Variants in INPP4B observed in about 807,000 individuals in gnomAD.
The protein encoded by INPP4B is inositol polyphosphate-4-phosphatase type II B, also known as inositol polyphosphate 4-phosphatase type II.
Under a neutral mutation model 122.5 loss-of-function variants are expected in INPP4B, and 55 were observed. That is an observed-to-expected ratio of 0.45 (90% CI 0.36 to 0.56). INPP4B has a LOEUF of 0.56. INPP4B is among the 20% of genes least tolerant of loss of function. The probability of loss-of-function intolerance (pLI) is 0.00; values close to 1 mark genes in which losing one functional copy is unlikely to be tolerated. For synonymous variants in INPP4B, 403 were observed against 388.7 expected, an observed-to-expected ratio of 1.04 and a Z score of -0.43; for missense variants, 1,000 against 1,097.7, an observed-to-expected ratio of 0.91 and a Z score of 1.26.
intron 1 of INPP4B, among the ~76,000 whole-genome samples, chr4:142,807,799 G>A (rs1183657233): frequency 7.0e-6 from 1 of 143,356 alleles, no homozygotes; most frequent in Non-Finnish European, 1.5e-5. Context: ...GTAAGAATAA[G>A]AGTGTAAGAA....
chr4:142,537,429 T>TATATAGAGAG (rs1200701380), intron 2 of INPP4B, among the ~76,000 whole-genome samples: 34 of 25,480 alleles, frequency 1.3e-3, no homozygotes, highest in Non-Finnish European at 2.1e-3. Context: ...TATATATATA[T>TATATAGAGAG]AGAGAGAGAG....
intron 15 of INPP4B, among the ~76,000 whole-genome samples, chr4:142,176,116 C>CTTT (rs1553997273): frequency 2.0e-5 from 1 of 50,766 alleles, no homozygotes; most frequent in South Asian, 9.0e-4. Context: ...TGACTGCTTT[C>CTTT]TTTTATTATT....
intron 1 of INPP4B, among the ~76,000 whole-genome samples, chr4:142,842,283 G>T (rs1383934121): frequency 2.0e-5 from 3 of 151,370 alleles, no homozygotes; most frequent in Admixed American, 2.0e-4. Flanking sequence ...AACTCAGTTT[G>T]AAATATATTA....
intron 1 of INPP4B, among the ~76,000 whole-genome samples, chr4:142,752,162 G>A (rs910236018): frequency 6.6e-5 from 10 of 152,046 alleles, no homozygotes; most frequent in Non-Finnish European, 1.3e-4. Context: ...CTGTAGAATG[G>A]AAGCTAGCCA....
chr4:142,284,266 T>C (rs1211289399), intron 9 of INPP4B, among the ~76,000 whole-genome samples: 1 of 152,078 alleles, frequency 6.6e-6, no homozygotes, highest in Non-Finnish European at 1.5e-5. Flanking sequence ...TGGCATTTTT[T>C]AACGCTGATA....
chr4:142,436,080 G>T (rs1390737311), intron 3 of INPP4B, among the ~76,000 whole-genome samples: 1 of 152,194 alleles, frequency 6.6e-6, no homozygotes, highest in African/African-American at 2.4e-5. Context: ...AGCCAGGGAG[G>T]CTGGACGACT....
chr4:142,458,399 G>T (rs530781076), intron 3 of INPP4B, among the ~76,000 whole-genome samples: 10 of 152,134 alleles, frequency 6.6e-5, no homozygotes, highest in Admixed American at 2.6e-4. Context: ...AGAACTATAT[G>T]CCAAAAGGTG....
At chr4:142,639,196 G>A (rs1323149973) in intron 2 of INPP4B, among the ~76,000 whole-genome samples, 1 of 152,102 alleles carries the variant, frequency 6.6e-6, no homozygotes, top group Non-Finnish European at 1.5e-5. Context: ...TGTTGCATCT[G>A]TGTTCATAAG....
intron 2 of INPP4B, among the ~76,000 whole-genome samples, chr4:142,530,550 CATATATATATAT>C (rs35595178): frequency 2.1e-5 from 3 of 140,438 alleles, no homozygotes; most frequent in Admixed American, 1.5e-4. Context: ...TATGTGTGTG[CATATATATATAT>C]ATATATATAT....
chr4:142,334,710 A>G (rs190261158), intron 7 of INPP4B, among the ~76,000 whole-genome samples: 1 of 152,266 alleles, frequency 6.6e-6, no homozygotes, highest in East Asian at 1.9e-4. Flanking sequence ...CAGTGAAGCT[A>G]GGCAATTTTT....
In INPP4B at chr4:142,684,415, T is replaced by C. The variant is rs988149472; in HGVS notation, c.-191+41424A>G. ...GCACATGCTTGGTTATCTGCAGAAC[T>C]GTGAATACGAGAATATTCTCAGACT... On this transcript the variant is annotated intron_variant, in intron 2 of 25. Coordinates refer to ENST00000262992, the MANE Select transcript of INPP4B (RefSeq NM_001101669.3). Among the ~76,000 whole-genome samples, 3 of 152,170 alleles carry C rather than the reference T, an allele frequency of 2.0e-5. No homozygotes were observed. The South Asian group carries it at 6.2e-4, about 32-fold the overall frequency.
intron 3 of INPP4B, among the ~76,000 whole-genome samples, chr4:142,443,956 C>T (rs1812372159): frequency 6.6e-6 from 1 of 151,996 alleles, no homozygotes; most frequent in Non-Finnish European, 1.5e-5. Context: ...TACCAAGAGA[C>T]CCAGACTCAG....
At chr4:142,283,478 C>A (rs1445104115) in intron 9 of INPP4B, among the ~76,000 whole-genome samples, 1 of 152,080 alleles carries the variant, frequency 6.6e-6, no homozygotes, top group Non-Finnish European at 1.5e-5. Context: ...TGCCATTAGG[C>A]AATTTTGTCC....
At chr4:142,417,753 G>A (rs557586552) in intron 5 of INPP4B, among the ~76,000 whole-genome samples, 4 of 152,132 alleles carry the variant, frequency 2.6e-5, no homozygotes, top group South Asian at 2.1e-4. Flanking sequence ...CAGGAATGAT[G>A]AATTTTTCAG....
At chr4:142,425,776 T>C (rs1807914179) in intron 5 of INPP4B, among the ~76,000 whole-genome samples, 1 of 152,060 alleles carries the variant, frequency 6.6e-6, no homozygotes, top group Non-Finnish European at 1.5e-5. Flanking sequence ...TAACACTATC[T>C]GAAATGATTT....
At chr4:142,155,191 T>G (rs917587592) in intron 17 of INPP4B, among the ~76,000 whole-genome samples, 1 of 152,024 alleles carries the variant, frequency 6.6e-6, no homozygotes. Context: ...CTATAAAAAT[T>G]TGTTACTTCT....
At chr4:142,040,607 A>T (rs1172515557) in intron 25 of INPP4B, among the ~76,000 whole-genome samples, 2 of 152,218 alleles carry the variant, frequency 1.3e-5, no homozygotes, top group Non-Finnish European at 2.9e-5. Context: ...TAGAAAGATA[A>T]ATAGGGGATT....
At chr4:142,841,952 AAGAT>A (rs1451950813) in intron 1 of INPP4B, among the ~76,000 whole-genome samples, 1 of 151,800 alleles carries the variant, frequency 6.6e-6, no homozygotes, top group Non-Finnish European at 1.5e-5. Context: ...AGAGTATGTA[AAGAT>A]AGATAGATAG....
intron 11 of INPP4B, among the ~76,000 whole-genome samples, chr4:142,257,260 G>A (rs1282996803): frequency 1.3e-5 from 2 of 152,180 alleles, no homozygotes; most frequent in Non-Finnish European, 2.9e-5. Context: ...TACTGAATGG[G>A]CAAAAACTGG....
Sources: gnomAD v4.1 joint callset for allele counts (sites outside exome capture counted in the v4.1 genomes callset) on GRCh38, gnomAD v4.1.1 for gene constraint, MANE v1.5 for transcripts, NCBI Gene and HGNC (gene_info 2026-07-23, HGNC 2026-07-21) for gene names.